RPS6KA5: variants seen among roughly 807,000 people sequenced by gnomAD.
The protein encoded by RPS6KA5 is ribosomal protein S6 kinase alpha-5.
Under a neutral mutation model 85.5 loss-of-function variants are expected in RPS6KA5, and 27 were observed. The ratio of observed to expected loss-of-function variants is 0.32; its 90% CI spans 0.23 to 0.44. The LOEUF (loss-of-function observed/expected upper bound fraction) is 0.44. Ranked by LOEUF, RPS6KA5 falls within the 20% of genes least tolerant of loss-of-function variation. RPS6KA5 has a pLI of 1.00. For missense variants in RPS6KA5, 811 were observed against 980.9 expected (o/e 0.83, Z 2.31); for synonymous variants, 334 against 348.2 (o/e 0.96, Z 0.46).
At chr14:90,903,061 G>A (rs959650150) in intron 8 of RPS6KA5, 92 bp from the exon 9 acceptor site, 6 of 1,048,890 alleles carry the variant, frequency 5.7e-6, no homozygotes, top group Non-Finnish European at 8.4e-6. Flanking sequence ...TTGACTGGTA[G>A]GGAGAGAGGA....
chr14:90,996,547 A>T (rs1333089333), intron 2 of RPS6KA5, among the ~76,000 whole-genome samples: 1 of 152,174 alleles, frequency 6.6e-6, no homozygotes, highest in Non-Finnish European at 1.5e-5. Flanking sequence ...AGAATAAAAC[A>T]TCATCTCAGA....
chr14:90,929,690 C>T (rs902161097), intron 5 of RPS6KA5, among the ~76,000 whole-genome samples: 2 of 151,996 alleles, frequency 1.3e-5, no homozygotes, highest in African/African-American at 2.4e-5. Flanking sequence ...CAGTTCCCTC[C>T]AAATTAATTT....
chr14:90,849,339 G>A lies in RPS6KA5; in HGVS notation c.*22735C>T, dbSNP rs544427865. On this transcript the variant is annotated 3_prime_UTR_variant, in exon 17 of 17. Transcript: ENST00000614987. ...CGCACCCATATGTCTGAAGACAAAA[G>A]TTTTTTAAGAGGGCACGGACTCCGG... 130 of 152,294 alleles carry A rather than the reference G, an allele frequency of 8.5e-4. No homozygotes were observed. Among genetic ancestry groups the A allele is most frequent in the African/African-American group, 2.9e-3 (122 of 41,558 alleles). The allele number at this position is 152,294 out of a possible 1,614,324, so 9.4% of individuals were successfully genotyped here. A position where few individuals can be genotyped will look rare whatever the true frequency, so the allele number is the denominator to read the frequency against.
At chr14:90,959,042 G>A (rs2038666717) in intron 3 of RPS6KA5, among the ~76,000 whole-genome samples, 1 of 152,018 alleles carries the variant, frequency 6.6e-6, no homozygotes, top group Admixed American at 6.6e-5. Flanking sequence ...TCCTGAGGCA[G>A]TGCAGGCCTG....
intron 7 of RPS6KA5, among the ~76,000 whole-genome samples, chr14:90,917,888 G>A (rs2036207930): frequency 6.6e-6 from 1 of 152,154 alleles, no homozygotes; most frequent in Non-Finnish European, 1.5e-5. Context: ...TTGCTAAGGA[G>A]TATTCCATTT....
intron 1 of RPS6KA5, among the ~76,000 whole-genome samples, chr14:91,005,648 G>C (rs558322721): frequency 6.6e-6 from 1 of 152,088 alleles, no homozygotes; most frequent in African/African-American, 2.4e-5. Context: ...TGTGAGTCTA[G>C]GTGTCTAAAT....
In RPS6KA5 at chr14:91,027,043, G is replaced by C. The variant is rs1054720344; in HGVS notation, c.104-25884C>G. ...ATATTAGGCCTTTGTCAGATACATA[G>C]TTGCGAATATTTTCTCCCATTGAGT... is the stretch of plus-strand genomic sequence containing the variant. On this transcript the variant is annotated intron_variant, in intron 1 of 16. Coordinates refer to ENST00000614987, the MANE Select transcript of RPS6KA5 (RefSeq NM_004755.4). 3.9e-5 allele frequency among the ~76,000 whole-genome samples: 6 copies of C among 152,172 alleles called. No homozygotes were observed. The East Asian group carries it at 7.7e-4, about 20-fold the overall frequency.
intron 2 of RPS6KA5, among the ~76,000 whole-genome samples, chr14:90,980,897 C>T (rs944159940): frequency 6.6e-6 from 1 of 152,170 alleles, no homozygotes; most frequent in African/African-American, 2.4e-5. Flanking sequence ...TATTGCCAGG[C>T]GTGGTGGCTC....
At chr14:91,011,786 G>A (rs1244333810) in intron 1 of RPS6KA5, among the ~76,000 whole-genome samples, 1 of 152,154 alleles carries the variant, frequency 6.6e-6, no homozygotes, top group Non-Finnish European at 1.5e-5. Flanking sequence ...AGTGTTGAAT[G>A]ACTCCTATTT....
At chr14:90,892,979 A>G (rs912015591) in intron 13 of RPS6KA5, among the ~76,000 whole-genome samples, 3 of 152,248 alleles carry the variant, frequency 2.0e-5, no homozygotes, top group Non-Finnish European at 4.4e-5. Context: ...ATTAAGCTAC[A>G]TAAGTTATCT....
rs117322500 is a variant in RPS6KA5 at position 90,991,791 on chromosome 14, T to C, written c.175+9297A>G. ...GAATCCAAAATTATTTAAAAGTTTC[T>C]AGCTCAGAAAACTGATCAAGGTTAG... is the stretch of plus-strand genomic sequence containing the variant. On this transcript the variant is annotated intron_variant, in intron 2 of 16. Coordinates refer to ENST00000614987, the MANE Select transcript of RPS6KA5 (RefSeq NM_004755.4). 6.5e-4 allele frequency among the ~76,000 whole-genome samples: 99 copies of C among 151,898 alleles called. 2 individuals carry two copies. In the East Asian group the frequency reaches 0.016, roughly 25 times the overall value.
chr14:90,972,479 G>C (rs1300188895), intron 3 of RPS6KA5, among the ~76,000 whole-genome samples: 8 of 152,108 alleles, frequency 5.3e-5, no homozygotes, highest in Non-Finnish European at 1.2e-4. Flanking sequence ...ATTTCATAGA[G>C]GAAAAAGGAA....
chr14:90,850,367 T>A lies in RPS6KA5; in HGVS notation c.*21707A>T, dbSNP rs940481072. 2 of 148,450 alleles carry A rather than the reference T, an allele frequency of 1.3e-5. No individual in the cohort carries two copies. Among genetic ancestry groups the A allele is most frequent in the Non-Finnish European group, 3.0e-5 (2 of 67,522 alleles). 9.2% of individuals were successfully genotyped at this position (148,450 alleles called of 1,614,324 possible). On this transcript the variant is annotated 3_prime_UTR_variant, in exon 17 of 17. Transcript: ENST00000614987. ...TTCCCTTCTTGCTCCCTCCCATAAA[T>A]ACTAAATGGAAGAAGACACAAATAG...
At chr14:90,942,987 G>A (rs1401926919) in intron 5 of RPS6KA5, 91 bp downstream of exon 5, 5 of 765,316 alleles carry the variant, frequency 6.5e-6, no homozygotes, top group Non-Finnish European at 1.1e-5. Flanking sequence ...GAATTCACAG[G>A]GCAGTTTTCT....
chr14:90,932,189 T>A lies in RPS6KA5; in HGVS notation c.619-8993A>T, dbSNP rs183727730. On this transcript the variant is annotated intron_variant, in intron 5 of 16. Coordinates refer to ENST00000614987, the MANE Select transcript of RPS6KA5 (RefSeq NM_004755.4). ...CCCAGGCTGGAGTGCAGTGGCATGA[T>A]CTTGGCTCACTGCATCCTCTGCCTC... is the stretch of plus-strand genomic sequence containing the variant. Among the ~76,000 whole-genome samples the A allele has an allele frequency of 1.3e-3, 202 of 152,288 alleles. 1 individual carries two copies. The highest frequency in any genetic ancestry group is 4.3e-3 in the African/African-American group (180 of 41,560).
intron 13 of RPS6KA5, among the ~76,000 whole-genome samples, chr14:90,891,354 A>G (rs1051216618): frequency 6.6e-5 from 10 of 151,748 alleles, no homozygotes; most frequent in African/African-American, 2.4e-4. Context: ...CTAATACTTC[A>G]AATATTCAGA....
chr14:91,020,733 T>A (rs942619737), intron 1 of RPS6KA5, among the ~76,000 whole-genome samples: 6 of 151,958 alleles, frequency 3.9e-5, no homozygotes, highest in Admixed American at 3.9e-4. Flanking sequence ...ACTTTTTCCT[T>A]GAGTATAAAA....
chr14:91,032,366 T>A (rs1201736294), intron 1 of RPS6KA5, among the ~76,000 whole-genome samples: 1 of 152,210 alleles, frequency 6.6e-6, no homozygotes, highest in Non-Finnish European at 1.5e-5. Context: ...GCAAGGATTT[T>A]AAAAATCCTT....
chr14:90,890,825 C>T, intron 13 of RPS6KA5, 147 bp from the exon 14 acceptor site: 1 of 593,544 alleles, frequency 1.7e-6, no homozygotes, highest in South Asian at 2.4e-5. Flanking sequence ...CATCAATACA[C>T]TGCTGCTCTC....
Sources: gnomAD v4.1 joint callset for allele counts (sites outside exome capture counted in the v4.1 genomes callset) on GRCh38, gnomAD v4.1.1 for gene constraint, MANE v1.5 for transcripts, NCBI Gene and HGNC (gene_info 2026-07-23, HGNC 2026-07-21) for gene names.